The following WDR75 variants were observed in gnomAD, a reference collection of about 807,000 sequenced individuals.
WDR75 encodes WD repeat domain 75.
A neutral mutation model predicts 106.1 loss-of-function variants in WDR75; 52 were observed. The observed-to-expected ratio is 0.49, with a 90% CI of 0.39 to 0.62. WDR75 has a LOEUF of 0.62. Among genes scored for constraint, WDR75 ranks in the 20% least tolerant of loss-of-function variants. WDR75 has a pLI of 0.00. For synonymous variants in WDR75, 333 were observed against 335.5 expected (o/e 0.99, Z 0.08); for missense variants, 905 against 970.3 (o/e 0.93, Z 0.89).
At chr2:189,457,043 A>G (rs995661692) in intron 5 of WDR75, among the ~76,000 whole-genome samples, 4 of 152,068 alleles carry the variant, frequency 2.6e-5, no homozygotes, top group Non-Finnish European at 5.9e-5. Context: ...GGAGTACGAG[A>G]CCAGCCTGGC....
chr2:189,444,633 A>G (rs1384046292), intron 1 of WDR75, among the ~76,000 whole-genome samples: 2 of 152,032 alleles, frequency 1.3e-5, no homozygotes, highest in Admixed American at 6.6e-5. Context: ...TGCTGTAACA[A>G]TTTTCCTAAG....
At chr2:189,456,981 C>G (rs927113482) in intron 5 of WDR75, among the ~76,000 whole-genome samples, 1 of 152,124 alleles carries the variant, frequency 6.6e-6, no homozygotes, top group Non-Finnish European at 1.5e-5. Context: ...GTGGCTCACT[C>G]CTGTAATCCC....
At chr2:189,450,368 GT>G (rs34244444) in intron 2 of WDR75, 866,046 of 973,314 alleles carry the variant, frequency 0.89, 388,471 homozygotes, top group Non-Finnish European at 0.92. Flanking sequence ...TTTGGTTTTG[GT>G]TTTTTTTTCT....
chr2:189,442,777 C>T, intron 1 of WDR75, among the ~76,000 whole-genome samples: 1 of 151,874 alleles, frequency 6.6e-6, no homozygotes, highest in East Asian at 1.9e-4. Flanking sequence ...TATGAGTGTA[C>T]GACAGGTAGT....
At chr2:189,466,399 T>C in intron 12 of WDR75, 26 bp from the exon 13 acceptor site, 1 of 1,609,460 alleles carries the variant, frequency 6.2e-7, no homozygotes, top group Non-Finnish European at 8.5e-7. Context: ...CATGCAAGAA[T>C]AAATTTGTGG....
intron 14 of WDR75, among the ~76,000 whole-genome samples, chr2:189,468,269 C>A (rs1235294444): frequency 6.6e-6 from 1 of 152,080 alleles, no homozygotes; most frequent in Admixed American, 6.6e-5. Flanking sequence ...ATTGGTCATC[C>A]GTTCTGTTTT....
chr2:189,466,568 A>G lies in WDR75; in HGVS notation c.1433A>G (p.Asp478Gly). 1.2e-6 allele frequency: 2 copies of G among 1,611,446 alleles called. No homozygotes were observed. Among genetic ancestry groups the G allele is most frequent in the Non-Finnish European group, 1.7e-6 (2 of 1,178,746 alleles). The change falls in exon 13 of 21, where the codon GAC becomes GGC. Residue 478 changes from aspartate to glycine, a missense_variant. Asp to Gly is a moderately conservative substitution (Grantham distance 94, BLOSUM62 -1). Transcript: ENST00000314761. ...GYFKVWILTD[D>G]SDIYKKAVGW... ...TTCAAAGTATGGATATTAACAGATG[A>G]CTCTGACATATACAGTAAGTTATTA...
chr2:189,448,667 A>G (rs1222998549), intron 2 of WDR75, 159 bp downstream of exon 2: 20 of 920,794 alleles, frequency 2.2e-5, no homozygotes, highest in South Asian at 1.2e-4. Context: ...CATTGCCTAT[A>G]GCATATTCTG....
At chr2:189,444,451 C>A (rs1686451863) in intron 1 of WDR75, among the ~76,000 whole-genome samples, 1 of 152,156 alleles carries the variant, frequency 6.6e-6, no homozygotes, top group Admixed American at 6.5e-5. Flanking sequence ...CTGTTTGCAT[C>A]CCATTCTGCG....
chr2:189,448,258 CG>C, intron 1 of WDR75, 120 bp from the exon 2 acceptor site: 1 of 1,092,346 alleles, frequency 9.2e-7, no homozygotes, highest in Non-Finnish European at 1.2e-6. Context: ...CCCAGGCAGG[CG>C]TATCACTTGA....
At chr2:189,453,753 C>T (rs1040422107) in intron 4 of WDR75, among the ~76,000 whole-genome samples, 1 of 152,128 alleles carries the variant, frequency 6.6e-6, no homozygotes, top group Non-Finnish European at 1.5e-5. Flanking sequence ...GCTTACTGCA[C>T]CACTGGCCTC....
At position 189,469,399 on chromosome 2, in the gene WDR75, G is replaced by T. The variant is rs1237500895; in HGVS notation, c.1779G>T (p.Glu593Asp). Residue 593 changes from glutamate (E) to aspartate (D), a missense_variant, in exon 16 of 21, where the codon GAG becomes GAT. Transcript: ENST00000314761. ...TTATGGAACCCGATCCTAATTCAGA[G>T]AATATTGCTGCAATCTCTCAGTCTT... is the stretch of plus-strand genomic sequence containing the variant. ...VRVMEPDPNS[E>D]NIAAISQSSV... 1 of 1,613,602 alleles carries T rather than the reference G, an allele frequency of 6.2e-7. No homozygotes were observed. Among genetic ancestry groups the T allele is most frequent in the South Asian group, 1.1e-5 (1 of 91,068 alleles).
chr2:189,448,365 T>C lies in WDR75; in HGVS notation c.87-14T>C. The C allele has an allele frequency of 1.9e-6, 3 of 1,608,522 alleles. No individual in the cohort carries two copies. In the South Asian group the frequency reaches 3.3e-5, roughly 18 times the overall value. On this transcript the variant is annotated splice_polypyrimidine_tract_variant and intron_variant, in intron 1 of 20. Transcript: ENST00000314761. ...ACAGTATGTAAAACTTACTTTTCTT[T>C]CTTTTTTTTCCAGGTATATCTTCTG...
chr2:189,468,680 G>A, intron 15 of WDR75, 111 bp downstream of exon 15: 2 of 1,093,536 alleles, frequency 1.8e-6, no homozygotes, highest in East Asian at 4.9e-5. Flanking sequence ...ACTTGGAATA[G>A]TCAGTTTTTT....
At chr2:189,463,777 G>A (rs996834749) in intron 10 of WDR75, 24 bp downstream of exon 10, 1 of 1,613,556 alleles carries the variant, frequency 6.2e-7, no homozygotes, top group East Asian at 2.2e-5. Flanking sequence ...CAGTGGATTT[G>A]GAATCATGAA....
chr2:189,459,628 T>G (rs1466528048), intron 8 of WDR75, among the ~76,000 whole-genome samples: 1 of 152,228 alleles, frequency 6.6e-6, no homozygotes, highest in Admixed American at 6.5e-5. Flanking sequence ...AGTGTACATT[T>G]GTGATAAAAA....
intron 18 of WDR75, among the ~76,000 whole-genome samples, chr2:189,472,059 A>G (rs1045875643): frequency 6.6e-6 from 1 of 152,140 alleles, no homozygotes; most frequent in African/African-American, 2.4e-5. Context: ...GATTAATTCA[A>G]TAATTTTTTG....
chr2:189,467,096 C>T (rs111684205), intron 13 of WDR75, among the ~76,000 whole-genome samples: 1 of 152,158 alleles, frequency 6.6e-6, no homozygotes, highest in South Asian at 2.1e-4. Context: ...CCAAGACCCC[C>T]CCGCCCCAGT....
At position 189,467,555 on chromosome 2, in the gene WDR75, T is replaced by C. The variant is rs759406861; in HGVS notation, c.1535T>C (p.Leu512Ser). Residue 512 changes from leucine (L) to serine (S), a missense_variant, in exon 14 of 21, where the codon TTA (leucine) becomes TCA (serine). Transcript: ENST00000314761. ...TNCCFSEDGS[L>S]LAVSFEEIVT... ...TGTTGTTTCTCCGAAGATGGTTCTT[T>C]ACTAGCAGTTAGTTTTGAGGAAATA... is the stretch of plus-strand genomic sequence containing the variant. The C allele has an allele frequency of 1.2e-6, 2 of 1,611,948 alleles. No individual in the cohort carries two copies. The highest frequency in any genetic ancestry group is 1.1e-5 in the South Asian group (1 of 90,600).
Sources: gnomAD v4.1 joint callset for allele counts (sites outside exome capture counted in the v4.1 genomes callset) on GRCh38, gnomAD v4.1.1 for gene constraint, MANE v1.5 for transcripts, NCBI Gene and HGNC (gene_info 2026-07-23, HGNC 2026-07-21) for gene names.